STK3: variants seen among roughly 807,000 people sequenced by gnomAD.
STK3 encodes serine/threonine-protein kinase 3.
STK3 carries 41 observed loss-of-function variants against 58.0 expected under a neutral mutation model. The observed-to-expected ratio is 0.71, with a 90% CI of 0.55 to 0.92. The LOEUF is 0.92. Ranked by LOEUF, STK3 falls within the 40% of genes least tolerant of loss-of-function variation. The pLI, the probability that STK3 is intolerant of heterozygous loss-of-function variation, is 0.00. For synonymous variants in STK3, 170 were observed against 191.0 expected (o/e 0.89, Z 0.91); for missense variants, 479 against 602.7 (o/e 0.79, Z 2.15).
chr8:98,442,441 A>G (rs1240994129), intron 1 of STK3, among the ~76,000 whole-genome samples: 1 of 152,264 alleles, frequency 6.6e-6, no homozygotes, highest in Non-Finnish European at 1.5e-5. Flanking sequence ...GTTAGCACCA[A>G]TGGCACTTCC....
intron 10 of STK3, among the ~76,000 whole-genome samples, chr8:98,466,635 G>T (rs554173856): frequency 9.9e-5 from 15 of 152,240 alleles, no homozygotes; most frequent in African/African-American, 3.4e-4. Flanking sequence ...TATGTAAATG[G>T]TGACTTGTCA....
chr8:98,915,470 A>ATATATG (rs1839314010), intron 1 of STK3, among the ~76,000 whole-genome samples: 2 of 136,138 alleles, frequency 1.5e-5, no homozygotes, highest in African/African-American at 5.9e-5. Flanking sequence ...ATATATATAT[A>ATATATG]GTTCTGTCCT....
chr8:98,638,375 G>C (rs1310346959), intron 6 of STK3: 5 of 152,082 alleles, frequency 3.3e-5, no homozygotes, highest in African/African-American at 1.2e-4. Context: ...GTTCCTGCAA[G>C]TGTTCATGAA....
intron 6 of STK3, among the ~76,000 whole-genome samples, chr8:98,617,258 A>G (rs1817825775): frequency 6.8e-6 from 1 of 147,074 alleles, no homozygotes; most frequent in South Asian, 2.3e-4. Flanking sequence ...TGTTCTTTGA[A>G]ACCAACGAGA....
chr8:98,598,015 C>G, intron 6 of STK3: 1 of 985,356 alleles, frequency 1.0e-6, no homozygotes, highest in Non-Finnish European at 1.2e-6. Flanking sequence ...CCTGCTACTT[C>G]CAACTAGAGA....
chr8:98,553,337 TC>T (rs1271075019), intron 8 of STK3: 1 of 152,084 alleles, frequency 6.6e-6, no homozygotes, highest in Non-Finnish European at 1.5e-5. Flanking sequence ...CTTGTCTAAA[TC>T]CCCCATTAGA....
chr8:98,507,026 G>A (rs1254084649), intron 10 of STK3, among the ~76,000 whole-genome samples: 2 of 152,146 alleles, frequency 1.3e-5, no homozygotes, highest in African/African-American at 4.8e-5. Flanking sequence ...AATGAATACA[G>A]ACCCCTTCCC....
chr8:98,429,303 G>A lies in STK3; in HGVS notation n.483+4824C>T, dbSNP rs760293863. 92 of 1,613,934 alleles carry A rather than the reference G, an allele frequency of 5.7e-5. 1 individual carries two copies. In the Admixed American group the frequency reaches 1.5e-3, roughly 26 times the overall value. ...AGATGGAATGAAGGAGGTCCCTTCG[G>A]TCAATTTAAGGGACTATTATGCCCA... On this transcript the variant is annotated intron_variant and non_coding_transcript_variant, in intron 3 of 3. Coordinates refer to the STK3 transcript ENST00000517832.
At position 98,642,604 on chromosome 8, in the gene STK3, C is replaced by G. The variant is rs144136367; in HGVS notation, c.685-46435G>C. Among the ~76,000 whole-genome samples, 3 of 152,230 alleles carry G rather than the reference C, an allele frequency of 2.0e-5. No homozygotes were observed. In the East Asian group the frequency reaches 5.8e-4, roughly 29 times the overall value. On this transcript the variant is annotated intron_variant, in intron 6 of 10. Coordinates refer to ENST00000419617, the MANE Select transcript of STK3 (RefSeq NM_006281.4). ...AAAGAAATCCATACGAACACAAAGT[C>G]AAGGATCTTTTCACTCTACCTGATA...
chr8:98,808,095 G>A (rs11990602), intron 1 of STK3, among the ~76,000 whole-genome samples: 2,002 of 152,306 alleles, frequency 0.013, 42 homozygotes, highest in African/African-American at 0.045. Context: ...AAAAATTGTC[G>A]TGTGACAGAA....
At chr8:98,888,334 T>A (rs183619317) in intron 1 of STK3, among the ~76,000 whole-genome samples, 2 of 152,068 alleles carry the variant, frequency 1.3e-5, no homozygotes, top group East Asian at 3.9e-4. Flanking sequence ...TAAAAAATTT[T>A]AAAATAAATA....
intron 10 of STK3, among the ~76,000 whole-genome samples, chr8:98,524,311 T>C (rs1312247244): frequency 6.6e-6 from 1 of 152,222 alleles, no homozygotes; most frequent in Non-Finnish European, 1.5e-5. Context: ...TTTTTCTTTT[T>C]CAAGATTGTT....
intron 6 of STK3, among the ~76,000 whole-genome samples, chr8:98,673,486 A>C (rs1452671282): frequency 6.6e-6 from 1 of 152,224 alleles, no homozygotes; most frequent in African/African-American, 2.4e-5. Flanking sequence ...CAAAAACATT[A>C]AGCTAAGTGA....
At chr8:98,620,404 C>T (rs1191135139) in intron 6 of STK3, among the ~76,000 whole-genome samples, 1 of 141,102 alleles carries the variant, frequency 7.1e-6, no homozygotes, top group Non-Finnish European at 1.5e-5. Flanking sequence ...CAGCATGGCA[C>T]ATGTATACAT....
intron 6 of STK3, among the ~76,000 whole-genome samples, chr8:98,698,712 A>G (rs887254737): frequency 4.8e-4 from 73 of 152,290 alleles, no homozygotes; most frequent in Admixed American, 1.4e-3. Flanking sequence ...TCTGGCTTGT[A>G]GAGTTTCTGC....
intron 3 of STK3, among the ~76,000 whole-genome samples, chr8:98,401,811 G>C (rs931773935): frequency 6.6e-6 from 1 of 152,160 alleles, no homozygotes; most frequent in East Asian, 1.9e-4. Flanking sequence ...AGTAATTCAG[G>C]TTCCCTCAAG....
intron 1 of STK3, among the ~76,000 whole-genome samples, chr8:98,788,635 A>G (rs1362231339): frequency 6.6e-6 from 1 of 152,180 alleles, no homozygotes; most frequent in East Asian, 1.9e-4. Flanking sequence ...CTATTCTTAT[A>G]CCAGACAAAA....
intron 2 of STK3, among the ~76,000 whole-genome samples, chr8:98,769,765 A>C (rs1368287877): frequency 6.6e-6 from 1 of 152,244 alleles, no homozygotes; most frequent in Non-Finnish European, 1.5e-5. Flanking sequence ...GTGAAAATAA[A>C]GTATAAGGAC....
At chr8:98,794,516 G>A (rs1393487628) in intron 1 of STK3, among the ~76,000 whole-genome samples, 18 of 152,104 alleles carry the variant, frequency 1.2e-4, no homozygotes. Flanking sequence ...TTCTGAAATT[G>A]AATCAATAAT....
Sources: allele counts gnomAD v4.1 joint callset (sites outside exome capture counted in the v4.1 genomes callset), GRCh38; gene constraint gnomAD v4.1.1; transcripts MANE v1.5; gene names NCBI Gene and HGNC (gene_info 2026-07-23, HGNC 2026-07-21).